The following LRRC72 variants were observed in gnomAD, a reference collection of about 807,000 sequenced individuals.
The protein encoded by LRRC72 is leucine rich repeat containing 72.
LRRC72 carries 41 observed loss-of-function variants against 35.8 expected under a neutral mutation model. The ratio of observed to expected loss-of-function variants is 1.15; its 90% CI spans 0.89 to 1.49. The LOEUF (loss-of-function observed/expected upper bound fraction) is 1.49. Ranked by LOEUF, LRRC72 falls within the 40% of genes most tolerant of loss-of-function variation. The probability of loss-of-function intolerance (pLI) is 0.00; values close to 1 mark genes in which losing one functional copy is unlikely to be tolerated. For synonymous variants in LRRC72, 118 were observed against 119.2 expected, an observed-to-expected ratio of 0.99 and a Z score of 0.07; for missense variants, 389 against 330.7, an observed-to-expected ratio of 1.18 and a Z score of -1.37.
intron 3 of LRRC72, among the ~76,000 whole-genome samples, chr7:16,543,316 A>T (rs1782391601): frequency 2.6e-5 from 4 of 152,246 alleles, no homozygotes. Flanking sequence ...GTTAAGAATG[A>T]TCTGAAATCC....
intron 2 of LRRC72, among the ~76,000 whole-genome samples, chr7:16,534,456 A>C (rs149835438): frequency 0.011 from 1,709 of 152,284 alleles, 28 homozygotes; most frequent in African/African-American, 0.038. Context: ...ATTAAATTTT[A>C]AAAAAGAAAA....
At chr7:16,529,424 T>C (rs1166554462) in intron 1 of LRRC72, among the ~76,000 whole-genome samples, 3 of 152,200 alleles carry the variant, frequency 2.0e-5, no homozygotes, top group Non-Finnish European at 4.4e-5. Context: ...CACTGTATTG[T>C]ACTTGCAGAT....
At position 16,558,879 on chromosome 7, in the gene LRRC72, T is replaced by G. The variant is rs1358540310; in HGVS notation, c.317-10T>G. On this transcript the variant is annotated splice_polypyrimidine_tract_variant and intron_variant, in intron 4 of 8. Coordinates refer to ENST00000401542, the MANE Select transcript of LRRC72 (RefSeq NM_001195280.2). ...TTTAAAATCTTGTAAAAATATTCTG[T>G]TTTTTTTAGGTCTGCATTATTTGCC... 1.5e-6 allele frequency: 2 copies of G among 1,350,524 alleles called. No homozygotes were observed. The highest frequency in any genetic ancestry group is 1.9e-4 in the Middle Eastern group (1 of 5,266). 83.7% of individuals were successfully genotyped at this position (1,350,524 alleles called of 1,614,324 possible).
At chr7:16,566,903 A>G (rs148513288) in intron 6 of LRRC72, among the ~76,000 whole-genome samples, 2 of 152,206 alleles carry the variant, frequency 1.3e-5, no homozygotes, top group Non-Finnish European at 2.9e-5. Flanking sequence ...ACACACACAC[A>G]CAATCAACCT....
chr7:16,527,049 G>C lies in LRRC72; in HGVS notation c.90+7G>C. ...CCTACAGAGCAGTCGCCGGGTAAGC[G>C]GCACCTGCCTTCCCAAGCCATCAGC... On this transcript the variant is annotated splice_region_variant and intron_variant, in intron 1 of 8. Transcript: ENST00000401542. 3 of 1,537,058 alleles carry C rather than the reference G, an allele frequency of 2.0e-6. No individual in the cohort carries two copies. The highest frequency in any genetic ancestry group is 1.7e-6 in the Non-Finnish European group (2 of 1,146,550).
intron 3 of LRRC72, among the ~76,000 whole-genome samples, chr7:16,552,407 T>A (rs78813884): frequency 1.2e-4 from 1 of 8,674 alleles, no homozygotes; most frequent in South Asian, 2.8e-3. Context: ...GGAAATGAAG[T>A]GTGTGCAGAA....
intron 3 of LRRC72, among the ~76,000 whole-genome samples, chr7:16,539,993 C>G (rs1782327982): frequency 6.6e-6 from 1 of 152,240 alleles, no homozygotes; most frequent in Admixed American, 6.5e-5. Flanking sequence ...AGAGTCCCCA[C>G]TGGGGCACTG....
intron 7 of LRRC72, among the ~76,000 whole-genome samples, chr7:16,579,143 C>G (rs540018244): frequency 6.6e-6 from 1 of 152,284 alleles, no homozygotes; most frequent in South Asian, 2.1e-4. Context: ...TGGCAACTGT[C>G]TGGCTGATGA....
intron 3 of LRRC72, among the ~76,000 whole-genome samples, chr7:16,538,632 C>T (rs1782304914): frequency 6.6e-6 from 1 of 152,214 alleles, no homozygotes; most frequent in Non-Finnish European, 1.5e-5. Flanking sequence ...TATGGTTTGG[C>T]TCTGTGTCTC....
rs1339492833 is a variant in LRRC72 at position 16,543,053 on chromosome 7, T to C, written c.234+5357T>C. Reference sequence around the variant, plus strand: ...ATCAGTAATTGACTGGGTGCTAAGCTGCCTAAGTGTTCATACTCCATCAAA... The same window carrying C: ...ATCAGTAATTGACTGGGTGCTAAGCCGCCTAAGTGTTCATACTCCATCAAA... On this transcript the variant is annotated intron_variant, in intron 3 of 8. Transcript: ENST00000401542. 7.9e-5 allele frequency among the ~76,000 whole-genome samples: 12 copies of C among 152,250 alleles called. No individual in the cohort carries two copies. In the East Asian group the frequency reaches 2.3e-3, roughly 29 times the overall value.
chr7:16,573,719 A>G (rs1782988499), intron 7 of LRRC72, among the ~76,000 whole-genome samples: 3 of 152,216 alleles, frequency 2.0e-5, no homozygotes, highest in Admixed American at 1.3e-4. Flanking sequence ...AACTTAGGCA[A>G]TACCATTCAG....
intron 3 of LRRC72, among the ~76,000 whole-genome samples, chr7:16,538,990 T>C (rs1782310865): frequency 6.6e-6 from 1 of 152,178 alleles, no homozygotes; most frequent in African/African-American, 2.4e-5. Flanking sequence ...TACAGAGAAT[T>C]GGCACTGGCA....
At chr7:16,548,859 T>C (rs983574095) in intron 3 of LRRC72, among the ~76,000 whole-genome samples, 15 of 152,248 alleles carry the variant, frequency 9.9e-5, no homozygotes, top group African/African-American at 3.6e-4. Flanking sequence ...ATCTCCAAGC[T>C]TCATTTTTTT....
intron 1 of LRRC72, among the ~76,000 whole-genome samples, chr7:16,529,948 G>C (rs1003217536): frequency 6.6e-5 from 10 of 152,078 alleles, no homozygotes; most frequent in African/African-American, 9.7e-5. Context: ...ATGATCTCAA[G>C]TGTTGACTTT....
At chr7:16,556,915 G>A (rs1053926571) in intron 3 of LRRC72, among the ~76,000 whole-genome samples, 1 of 152,104 alleles carries the variant, frequency 6.6e-6, no homozygotes, top group African/African-American at 2.4e-5. Context: ...ACAGGCAAAG[G>A]GAAATCATGA....
At chr7:16,565,429 C>CAA (rs11284083) in intron 5 of LRRC72, among the ~76,000 whole-genome samples, 1,650 of 115,338 alleles carry the variant, frequency 0.014, 40 homozygotes, top group African/African-American at 0.042. Flanking sequence ...AAGACTCTGT[C>CAA]AAAAAAAAAA....
Position 16,566,396 on chromosome 7 carries a change from C to G in LRRC72, c.511C>G (p.Arg171Gly), listed in dbSNP as rs773108759. 29 of 1,541,128 alleles carry G rather than the reference C, an allele frequency of 1.9e-5. No homozygotes were observed. The Middle Eastern group carries it at 5.0e-4, about 27-fold the overall frequency. The change falls in exon 6 of 9, where the codon CGA becomes GGA. Residue 171 changes from arginine (R) to glycine (G), a missense_variant. Physicochemically the swap from Arg to Gly is moderately radical, Grantham distance 125. Coordinates refer to ENST00000401542, the MANE Select transcript of LRRC72 (RefSeq NM_001195280.2). ...CCTTCCAGGAGTGGAGCTGCTTGACCGAAATCGTAAGGACCCTTCCTTCTT... is the reference window on the plus strand; with the variant it reads ...CCTTCCAGGAGTGGAGCTGCTTGACGGAAATCGTAAGGACCCTTCCTTCTT... ...YHLPGVELLD[R>G]NQVTEKERRS...
At chr7:16,577,669 G>A (rs1434627658) in intron 7 of LRRC72, among the ~76,000 whole-genome samples, 1 of 152,058 alleles carries the variant, frequency 6.6e-6, no homozygotes, top group Non-Finnish European at 1.5e-5. Flanking sequence ...ATATATAATA[G>A]GCAGAAGTTA....
chr7:16,563,688 T>C (rs1244763862), intron 5 of LRRC72, among the ~76,000 whole-genome samples: 1 of 152,154 alleles, frequency 6.6e-6, no homozygotes, highest in African/African-American at 2.4e-5. Context: ...TGTTTAATAG[T>C]ATAGAAGGAA....
Sources: gnomAD v4.1 joint callset for allele counts (sites outside exome capture counted in the v4.1 genomes callset) on GRCh38, gnomAD v4.1.1 for gene constraint, MANE v1.5 for transcripts, NCBI Gene and HGNC (gene_info 2026-07-23, HGNC 2026-07-21) for gene names.